The following ZGRF1 variants were observed in gnomAD, a reference collection of about 807,000 sequenced individuals.
The protein encoded by ZGRF1 is 5'-3' DNA helicase ZGRF1.
ZGRF1 carries 196 observed loss-of-function variants against 203.5 expected under a neutral mutation model. The ratio of observed to expected loss-of-function variants is 0.96; its 90% CI spans 0.86 to 1.08. The LOEUF is 1.08. Ranked by LOEUF, ZGRF1 falls within the 50% of genes least tolerant of loss-of-function variation. The pLI is 0.00. For synonymous variants in ZGRF1, 809 were observed against 841.3 expected (o/e 0.96, Z 0.66); for missense variants, 2,326 against 2,416.3 (o/e 0.96, Z 0.78).
chr4:112,569,931 T>C (rs1218005202), intron 16 of ZGRF1, among the ~76,000 whole-genome samples: 1 of 152,154 alleles, frequency 6.6e-6, no homozygotes, highest in Non-Finnish European at 1.5e-5. Context: ...AAAAAATTAT[T>C]AGAGATGGAA....
chr4:112,541,689 T>C (rs1014331972), intron 24 of ZGRF1, among the ~76,000 whole-genome samples: 3 of 152,166 alleles, frequency 2.0e-5, no homozygotes, highest in South Asian at 2.1e-4. Context: ...CCATCATGCA[T>C]GGCTAATTTT....
At position 112,619,936 on chromosome 4, in the gene ZGRF1, T is replaced by G. The variant is rs536693801; in HGVS notation, c.351+66A>C. On this transcript the variant is annotated intron_variant, in intron 5 of 27. Coordinates refer to ENST00000505019, the MANE Select transcript of ZGRF1 (RefSeq NM_018392.5). ...ATGACAGAGTACAATAACTTCAAAA[T>G]TCACTACTTTTCGAGACAATTTTAT... The G allele has an allele frequency of 5.3e-6, 7 of 1,309,790 alleles. No homozygotes were observed. In the African/African-American group the frequency reaches 1.0e-4, roughly 20 times the overall value. The allele number at this position is 1,309,790 out of a possible 1,614,324, so 81.1% of individuals were successfully genotyped here. A position where few individuals can be genotyped will look rare whatever the true frequency, so the allele number is the denominator to read the frequency against.
intron 16 of ZGRF1, 103 bp from the exon 17 acceptor site, chr4:112,563,377 G>A (rs542608475): frequency 4.1e-4 from 312 of 753,352 alleles, no homozygotes; most frequent in Admixed American, 9.8e-4. Flanking sequence ...TATATCTATA[G>A]TACACATATA....
At chr4:112,572,160 TCTCATAGCC>T (rs2148945846) in intron 16 of ZGRF1, among the ~76,000 whole-genome samples, 1 of 152,110 alleles carries the variant, frequency 6.6e-6, no homozygotes, top group African/African-American at 2.4e-5. Context: ...AAGATTTAAA[TCTCATAGCC>T]ACCAAAACAG....
chr4:112,581,218 A>T (rs1746184032), intron 16 of ZGRF1, among the ~76,000 whole-genome samples: 1 of 146,424 alleles, frequency 6.8e-6, no homozygotes, highest in Admixed American at 7.0e-5. Context: ...CATAGGTGGG[A>T]ACTGAACAAT....
intron 13 of ZGRF1, among the ~76,000 whole-genome samples, chr4:112,586,243 A>T (rs1029183927): frequency 4.6e-5 from 7 of 152,032 alleles, no homozygotes; most frequent in Non-Finnish European, 8.8e-5. Context: ...CTGTCTCAAA[A>T]AAAAAAAAGA....
At chr4:112,594,452 GT>G (rs780636381) in intron 10 of ZGRF1, among the ~76,000 whole-genome samples, 287 of 139,632 alleles carry the variant, frequency 2.1e-3, no homozygotes, top group South Asian at 2.5e-3. Context: ...TTTCGGTTTG[GT>G]TTTTTTTTTT....
intron 16 of ZGRF1, among the ~76,000 whole-genome samples, chr4:112,576,195 C>T (rs1745182389): frequency 6.6e-6 from 1 of 152,190 alleles, no homozygotes; most frequent in Non-Finnish European, 1.5e-5. Context: ...CAGCAAACTC[C>T]AACAGACCTG....
At chr4:112,583,736 G>T (rs955213533) in intron 15 of ZGRF1, among the ~76,000 whole-genome samples, 1 of 151,928 alleles carries the variant, frequency 6.6e-6, no homozygotes, top group Non-Finnish European at 1.5e-5. Context: ...CCCAGGAGTT[G>T]AAGGTTGCAG....
At chr4:112,588,073 A>G (rs376247245) in intron 11 of ZGRF1, 144 bp from the exon 12 acceptor site, 1 of 503,534 alleles carries the variant, frequency 2.0e-6, no homozygotes. Flanking sequence ...TTAAAAAAAA[A>G]TTAATGGTTT....
At chr4:112,628,582 G>A (rs1165664204) in intron 3 of ZGRF1, 1 of 456,050 alleles carries the variant, frequency 2.2e-6, no homozygotes, top group South Asian at 1.5e-5. Context: ...ATTTAAGATT[G>A]AGGGCGTTAT....
chr4:112,610,141 A>G lies in ZGRF1; in HGVS notation c.2668-712T>C, dbSNP rs763984425. 1.1e-3 allele frequency among the ~76,000 whole-genome samples: 160 copies of G among 152,286 alleles called. 1 individual carries two copies. Among genetic ancestry groups the G allele is most frequent in the Admixed American group, 4.0e-3 (61 of 15,274 alleles). ...ACAGAGCAATAACCTGTCTCAGAAA[A>G]AAATACATACATAAAAAGTAAAATC... On this transcript the variant is annotated intron_variant, in intron 7 of 27. Transcript: ENST00000505019.
chr4:112,541,301 AAT>A, intron 24 of ZGRF1, 33 bp from the exon 25 acceptor site: 3 of 1,324,114 alleles, frequency 2.3e-6, no homozygotes, highest in Non-Finnish European at 3.1e-6. Context: ...AATAAAACAT[AAT>A]TTTTTTGTTC....
At chr4:112,583,178 T>A (rs1048350642) in intron 15 of ZGRF1, among the ~76,000 whole-genome samples, 4 of 152,196 alleles carry the variant, frequency 2.6e-5, no homozygotes, top group Non-Finnish European at 4.4e-5. Flanking sequence ...GGGCCTGGCA[T>A]ATATCAGCTC....
chr4:112,630,861 C>T (rs1036685338), intron 3 of ZGRF1, among the ~76,000 whole-genome samples: 71 of 150,294 alleles, frequency 4.7e-4, no homozygotes, highest in Non-Finnish European at 9.0e-4. Flanking sequence ...CACTCCAACC[C>T]GGGCAACAGA....
At position 112,586,476 on chromosome 4, in the gene ZGRF1, A is replaced by T; in HGVS notation, c.3885T>A (p.His1295Gln). 1 of 1,612,194 alleles carries T rather than the reference A, an allele frequency of 6.2e-7. No homozygotes were observed. Among genetic ancestry groups the T allele is most frequent in the African/African-American group, 1.3e-5 (1 of 75,018 alleles). ...HIPAVFQSPAHYKQTFTSCLI... is the reference protein window; with the variant it reads ...HIPAVFQSPAQYKQTFTSCLI... ...GGCAAGATGTGAAAGTCTGCTTATA[A>T]TGAGCAGGAGACTGAAAAACAGCTG... Residue 1295 changes from histidine (H) to glutamine (Q), a missense_variant, in exon 13 of 28, where the codon CAT (histidine) becomes CAA (glutamine). Physicochemically the swap from His to Gln is conservative, Grantham distance 24. Transcript: ENST00000505019.
At chr4:112,546,816 A>C (rs1172066478) in intron 24 of ZGRF1, 1 of 152,362 alleles carries the variant, frequency 6.6e-6, no homozygotes, top group Non-Finnish European at 1.5e-5. Flanking sequence ...CCCCTGCCAA[A>C]TGCAGGTCCC....
intron 4 of ZGRF1, among the ~76,000 whole-genome samples, chr4:112,621,653 CAAAAA>C (rs759426408): frequency 1.1e-5 from 1 of 90,796 alleles, no homozygotes; most frequent in Non-Finnish European, 2.3e-5. Context: ...AACTCCATCT[CAAAAA>C]AAAAAAAAAA....
At chr4:112,610,988 AG>A in intron 7 of ZGRF1, 1 of 263,422 alleles carries the variant, frequency 3.8e-6, no homozygotes, top group South Asian at 3.5e-5. Flanking sequence ...TCTGAGAGGC[AG>A]GGTAGGTTTT....
Sources: gnomAD v4.1 joint callset for allele counts (sites outside exome capture counted in the v4.1 genomes callset) on GRCh38, gnomAD v4.1.1 for gene constraint, MANE v1.5 for transcripts, NCBI Gene and HGNC (gene_info 2026-07-23, HGNC 2026-07-21) for gene names.